COL22A1: variants seen among roughly 807,000 people sequenced by gnomAD.
The protein encoded by COL22A1 is collagen alpha-1(XXII) chain.
In COL22A1, 221 loss-of-function variants were observed where a neutral mutation model predicts 248.9. The observed-to-expected ratio is 0.89, with a 90% CI of 0.80 to 0.99. The LOEUF (loss-of-function observed/expected upper bound fraction) is 0.99, where lower values mean the gene tolerates loss of function less well. Among genes scored for constraint, COL22A1 ranks in the 50% least tolerant of loss-of-function variants. The pLI is 0.00. For missense variants in COL22A1, 2,240 were observed against 2,179.0 expected (o/e 1.03, Z -0.56); for synonymous variants, 891 against 793.4 (o/e 1.12, Z -2.07).
At chr8:138,818,484 T>G (rs1829397540) in intron 7 of COL22A1, among the ~76,000 whole-genome samples, 1 of 152,224 alleles carries the variant, frequency 6.6e-6, no homozygotes. Flanking sequence ...AGCTCCATCT[T>G]GTCCAGCCCT....
Position 138,636,796 on chromosome 8 carries a change from C to A in COL22A1, c.3502-1G>T. The A allele has an allele frequency of 1.2e-6, 2 of 1,611,942 alleles. No individual in the cohort carries two copies. The highest frequency in any genetic ancestry group is 1.7e-6 in the Non-Finnish European group (2 of 1,178,610). On this transcript the variant is annotated splice_acceptor_variant, in intron 47 of 64. Coordinates refer to ENST00000303045, the MANE Select transcript of COL22A1 (RefSeq NM_152888.3). LOFTEE classifies it high-confidence loss of function. ...CTGCACCACGTTCTCCTTGACTTCC[C>A]TTGAAAGGAAAAAAAAGAAAAGAAA...
At chr8:138,798,500 T>C (rs983538196) in intron 11 of COL22A1, among the ~76,000 whole-genome samples, 3 of 152,120 alleles carry the variant, frequency 2.0e-5, no homozygotes, top group African/African-American at 7.2e-5. Flanking sequence ...TAGGGTCTAC[T>C]CTAGATTTAT....
intron 1 of COL22A1, among the ~76,000 whole-genome samples, chr8:138,909,249 T>C (rs1815257506): frequency 6.6e-6 from 1 of 152,274 alleles, no homozygotes; most frequent in South Asian, 2.1e-4. Context: ...TGTTGCTACA[T>C]ATTGGCACAA....
intron 16 of COL22A1, among the ~76,000 whole-genome samples, chr8:138,765,005 C>G (rs1833797603): frequency 6.6e-6 from 1 of 152,162 alleles, no homozygotes; most frequent in Admixed American, 6.5e-5. Context: ...TCACGTGACA[C>G]TTGGGGCGAA....
chr8:138,722,744 C>A (rs757842146), intron 25 of COL22A1, among the ~76,000 whole-genome samples: 8 of 151,526 alleles, frequency 5.3e-5, no homozygotes, highest in Non-Finnish European at 1.0e-4. Context: ...TGACTGGGAC[C>A]TGCAAGGTTT....
intron 55 of COL22A1, among the ~76,000 whole-genome samples, chr8:138,614,520 G>C (rs1420955365): frequency 6.6e-6 from 1 of 152,220 alleles, no homozygotes; most frequent in Non-Finnish European, 1.5e-5. Context: ...GGCTAAGATG[G>C]AGGGAAGGAA....
intron 47 of COL22A1, among the ~76,000 whole-genome samples, chr8:138,643,798 C>T (rs902404338): frequency 6.6e-6 from 1 of 152,152 alleles, no homozygotes; most frequent in Non-Finnish European, 1.5e-5. Flanking sequence ...CTCCCGGGTT[C>T]AAGCGATTCT....
intron 27 of COL22A1, among the ~76,000 whole-genome samples, chr8:138,717,977 G>A (rs1239865859): frequency 2.7e-5 from 4 of 150,484 alleles, no homozygotes; most frequent in African/African-American, 9.8e-5. Flanking sequence ...ATTTTAATAA[G>A]GAAATGTGGT....
intron 52 of COL22A1, chr8:138,620,501 G>C (rs1164074370): frequency 1.3e-5 from 2 of 152,148 alleles, no homozygotes; most frequent in African/African-American, 2.4e-5. Flanking sequence ...TGATCTTAAA[G>C]TGCCATTTCC....
chr8:138,689,171 G>A (rs117116083), intron 36 of COL22A1, among the ~76,000 whole-genome samples: 2,966 of 149,602 alleles, frequency 0.02, 37 homozygotes, highest in Middle Eastern at 0.048. Context: ...GGGGGGGGCT[G>A]GCCTTGTAAC....
intron 3 of COL22A1, among the ~76,000 whole-genome samples, chr8:138,855,431 C>T (rs1388587211): frequency 6.6e-6 from 1 of 152,176 alleles, no homozygotes; most frequent in Non-Finnish European, 1.5e-5. Flanking sequence ...CCTGCATGCT[C>T]CTTGCTGCTG....
At chr8:138,810,685 C>A (rs530920690) in intron 9 of COL22A1, among the ~76,000 whole-genome samples, 1 of 152,316 alleles carries the variant, frequency 6.6e-6, no homozygotes, top group South Asian at 2.1e-4. Flanking sequence ...CTGTACCTCA[C>A]GGTCTGGCTT....
chr8:138,648,610 A>G (rs908191293), intron 46 of COL22A1, among the ~76,000 whole-genome samples: 3 of 152,080 alleles, frequency 2.0e-5, no homozygotes, highest in Non-Finnish European at 4.4e-5. Flanking sequence ...TTGATGACCC[A>G]GGAATGTCTT....
intron 1 of COL22A1, among the ~76,000 whole-genome samples, chr8:138,897,063 C>T (rs532020182): frequency 6.6e-6 from 1 of 152,064 alleles, no homozygotes; most frequent in African/African-American, 2.4e-5. Context: ...TGTAAGGCAG[C>T]CTTATCATTC....
chr8:138,669,653 T>A (rs1245706293), intron 41 of COL22A1, among the ~76,000 whole-genome samples: 1 of 152,182 alleles, frequency 6.6e-6, no homozygotes, highest in Non-Finnish European at 1.5e-5. Context: ...CTGAGTCTCC[T>A]CATCTGAAAC....
At chr8:138,840,106 G>A (rs925591180) in intron 4 of COL22A1, among the ~76,000 whole-genome samples, 5 of 152,156 alleles carry the variant, frequency 3.3e-5, no homozygotes, top group African/African-American at 1.2e-4. Context: ...GCCTGGAGGT[G>A]AGGCTTTTGG....
At chr8:138,618,978 C>T (rs529556413) in intron 53 of COL22A1, among the ~76,000 whole-genome samples, 124 of 152,090 alleles carry the variant, frequency 8.2e-4, no homozygotes, top group African/African-American at 2.8e-3. Flanking sequence ...ATATTAAAAA[C>T]TTTACTTCTT....
chr8:138,616,062 C>T lies in COL22A1; in HGVS notation c.3871-8G>A. 3.1e-6 allele frequency: 5 copies of T among 1,611,278 alleles called. No individual in the cohort carries two copies. Among genetic ancestry groups the T allele is most frequent in the Non-Finnish European group, 4.2e-6 (5 of 1,178,012 alleles). ...CATGGCACCAGACTCTCCCTAGGAA[C>T]AAAAAAGCCTGCTATTAGGGAAGGA... On this transcript the variant is annotated splice_polypyrimidine_tract_variant and splice_region_variant and intron_variant, in intron 54 of 64. Transcript: ENST00000303045.
At chr8:138,801,682 C>A (rs910620343) in intron 11 of COL22A1, among the ~76,000 whole-genome samples, 1 of 152,100 alleles carries the variant, frequency 6.6e-6, no homozygotes, top group Non-Finnish European at 1.5e-5. Flanking sequence ...AGTTTGAGAC[C>A]AGCCTGGCCA....
Sources: gnomAD v4.1 joint callset for allele counts (sites outside exome capture counted in the v4.1 genomes callset) on GRCh38, gnomAD v4.1.1 for gene constraint, MANE v1.5 for transcripts, NCBI Gene and HGNC (gene_info 2026-07-23, HGNC 2026-07-21) for gene names.